Variants in PDF observed in about 807,000 individuals in gnomAD.
PDF encodes the protein peptide deformylase-like protein.
Under a neutral mutation model 20.3 loss-of-function variants are expected in PDF, and 31 were observed. The observed-to-expected ratio is 1.52, with a 90% CI of 1.15 to 2.06. The LOEUF is 2.06. Among genes scored for constraint, PDF ranks in the 30% most tolerant of loss-of-function variants. The probability of loss-of-function intolerance (pLI) is 0.00; values close to 1 mark genes in which losing one functional copy is unlikely to be tolerated. For missense variants in PDF, 447 were observed against 362.5 expected (o/e 1.23, Z -1.89); for synonymous variants, 254 against 172.0 (o/e 1.48, Z -3.73).
At chr16:69,329,301 T>A in intron 1 of PDF, 122 bp from the exon 2 acceptor site, 1 of 1,029,216 alleles carries the variant, frequency 9.7e-7, no homozygotes, top group South Asian at 1.9e-5. Context: ...AGATGGCAAA[T>A]GTAGACAGCA....
chr16:69,329,640 G>A (rs1965720965), intron 1 of PDF, among the ~76,000 whole-genome samples: 1 of 152,252 alleles, frequency 6.6e-6, no homozygotes, highest in South Asian at 2.1e-4. Context: ...GAATGGCCTA[G>A]CCCCCTGGGC....
chr16:69,329,734 CAG>C (rs1965725622), intron 1 of PDF, among the ~76,000 whole-genome samples: 2 of 152,330 alleles, frequency 1.3e-5, no homozygotes, highest in South Asian at 4.1e-4. Context: ...GTGTTTGCCT[CAG>C]AGAGCAAGGG....
In PDF at chr16:69,329,071, A is replaced by G; in HGVS notation, c.683T>C (p.Met228Thr). 1 of 1,611,958 alleles carries G rather than the reference A, an allele frequency of 6.2e-7. No homozygotes were observed. The highest frequency in any genetic ancestry group is 2.2e-5 in the East Asian group (1 of 44,782). The stretch of plus-strand genomic sequence containing the variant: ...GACGTTTGTGAACGTCCTGCTGTCC[A>G]TTTTGTCAATAAACAGGCAGCCCTG... ...HLQGCLFIDK[M>T]DSRTFTNVYW... The change falls in exon 2 of 2, where the codon ATG (methionine) becomes ACG (threonine). Residue 228 changes from methionine to threonine, a missense_variant. Physicochemically the swap from Met to Thr is moderately conservative, Grantham distance 81 (BLOSUM62 -1). Coordinates refer to ENST00000288022, the MANE Select transcript of PDF (RefSeq NM_022341.2).
chr16:69,328,953 A>G lies in PDF; in HGVS notation c.*69T>C. The G allele has an allele frequency of 6.4e-7, 1 of 1,555,428 alleles. No individual in the cohort carries two copies. Among genetic ancestry groups the G allele is most frequent in the Non-Finnish European group, 8.6e-7 (1 of 1,161,670 alleles). ...GCCATCCAAGTTGATGCCAAGTAAG[A>G]TTTGCCCAGCTCAAAGTGAAAGTGT... On this transcript the variant is annotated 3_prime_UTR_variant, in exon 2 of 2. Transcript: ENST00000288022.
Position 69,329,048 on chromosome 16 carries a change from C to T in PDF, c.706G>A (p.Val236Ile), listed in dbSNP as rs1357225937. The change falls in exon 2 of 2, where the codon GTC (valine) becomes ATC (isoleucine). Residue 236 changes from valine to isoleucine, a missense_variant. Physicochemically the swap from Val to Ile is conservative, Grantham distance 29 (BLOSUM62 3). Coordinates refer to ENST00000288022, the MANE Select transcript of PDF (RefSeq NM_022341.2). ...DKMDSRTFTNVYWMKVND is the reference protein window; with the variant it reads ...DKMDSRTFTNIYWMKVND ...TAGTCATTCACCTTCATCCAATAGA[C>T]GTTTGTGAACGTCCTGCTGTCCATT... 2 of 1,610,924 alleles carry T rather than the reference C, an allele frequency of 1.2e-6. No individual in the cohort carries two copies. Among genetic ancestry groups the T allele is most frequent in the East Asian group, 2.2e-5 (1 of 44,654 alleles).
At position 69,329,296 on chromosome 16, in the gene PDF, G is replaced by A. The variant is rs150241567; in HGVS notation, c.575-117C>T. Reference sequence around the variant, plus strand: ...CATTGACAAGAGGCAACAGCAGATGGCAAATGTAGACAGCAGCTCCTCTTC... The same window carrying A: ...CATTGACAAGAGGCAACAGCAGATGACAAATGTAGACAGCAGCTCCTCTTC... On this transcript the variant is annotated intron_variant, in intron 1 of 1. Coordinates refer to ENST00000288022, the MANE Select transcript of PDF (RefSeq NM_022341.2). 1.3e-4 allele frequency: 147 copies of A among 1,094,858 alleles called. 1 individual carries two copies. The East Asian group carries it at 2.6e-3, about 19-fold the overall frequency. The allele number at this position is 1,094,858 out of a possible 1,614,324, so 67.8% of individuals were successfully genotyped here.
chr16:69,329,249 T>TG (rs1446681710), intron 1 of PDF, 70 bp from the exon 2 acceptor site: 5 of 1,438,836 alleles, frequency 3.5e-6, no homozygotes, highest in African/African-American at 1.5e-5. Flanking sequence ...TCCCTACCCC[T>TG]GCCCCCGGTC....
chr16:69,329,824 G>A (rs1965728947), intron 1 of PDF, among the ~76,000 whole-genome samples, 173 bp downstream of exon 1: 1 of 152,226 alleles, frequency 6.6e-6, no homozygotes, highest in Non-Finnish European at 1.5e-5. Flanking sequence ...CTATCTGAGC[G>A]GGCTCTACCC....
chr16:69,329,129 C>CT lies in PDF; in HGVS notation c.624dup (p.Ala209SerfsTer18), dbSNP rs1257099113. 1.2e-6 allele frequency: 2 copies of CT among 1,608,998 alleles called. No individual in the cohort carries two copies. Among genetic ancestry groups the CT allele is most frequent in the African/African-American group, 1.3e-5 (1 of 74,930 alleles). Reference sequence around the variant, plus strand: ...TCCATCTCGTGCTGGATGATGCGGGCTGCCCACCCGCTCGCCTGCCACACC... The same window carrying CT: ...TCCATCTCGTGCTGGATGATGCGGGCTTGCCCACCCGCTCGCCTGCCACACC... On this transcript the variant is annotated frameshift_variant, in exon 2 of 2. Transcript: ENST00000288022. LOFTEE classifies it high-confidence loss of function.
In PDF at chr16:69,328,934, C is replaced by G. The variant is rs1567428074; in HGVS notation, c.*88G>C. 2.3e-5 allele frequency: 35 copies of G among 1,520,330 alleles called. No individual in the cohort carries two copies. The East Asian group carries it at 3.7e-4, about 16-fold the overall frequency. 94.2% of individuals were successfully genotyped at this position (1,520,330 alleles called of 1,614,324 possible). ...AGTTTCCTGTCATATGCGAGCCATC[C>G]AAGTTGATGCCAAGTAAGATTTGCC... is the stretch of plus-strand genomic sequence containing the variant. On this transcript the variant is annotated 3_prime_UTR_variant, in exon 2 of 2. Transcript: ENST00000288022.
rs1965611229 is a variant in PDF at position 69,326,995 on chromosome 16, T to C, written c.*2027A>G. 6.6e-6 allele frequency: 1 copy of C among 152,106 alleles called. No homozygotes were observed. Among genetic ancestry groups the C allele is most frequent in the Non-Finnish European group, 1.5e-5 (1 of 68,016 alleles). The allele number at this position is 152,106 out of a possible 1,614,324, so 9.4% of individuals were successfully genotyped here. ...GAAAGCTATAAGAAGCATCAAAAGA[T>C]TGCCATAGCCCCCTGTAAGAGCTTC... On this transcript the variant is annotated 3_prime_UTR_variant, in exon 2 of 2. Transcript: ENST00000288022.
In PDF at chr16:69,327,003, GC is replaced by G. The variant is rs1376251964; in HGVS notation, c.*2018del. 1 of 152,044 alleles carries G rather than the reference GC, an allele frequency of 6.6e-6. No homozygotes were observed. Among genetic ancestry groups the G allele is most frequent in the Non-Finnish European group, 1.5e-5 (1 of 68,004 alleles). The allele number at this position is 152,044 out of a possible 1,614,324, so 9.4% of individuals were successfully genotyped here. On this transcript the variant is annotated 3_prime_UTR_variant, in exon 2 of 2. Coordinates refer to ENST00000288022, the MANE Select transcript of PDF (RefSeq NM_022341.2). ...TAAGAAGCATCAAAAGATTGCCATAGCCCCCTGTAAGAGCTTCTGAACATTG... is the reference window on the plus strand; with the variant it reads ...TAAGAAGCATCAAAAGATTGCCATAGCCCCTGTAAGAGCTTCTGAACATTG...
At chr16:69,329,929 G>A (rs1439078070) in intron 1 of PDF, 68 bp downstream of exon 1, 7 of 1,446,982 alleles carry the variant, frequency 4.8e-6, no homozygotes, top group African/African-American at 1.5e-5. Flanking sequence ...CCACTTCTGC[G>A]CTCTCGCGGA....
rs1010375287 is a variant in PDF at position 69,328,654 on chromosome 16, A to G, written c.*368T>C. On this transcript the variant is annotated 3_prime_UTR_variant, in exon 2 of 2. Coordinates refer to ENST00000288022, the MANE Select transcript of PDF (RefSeq NM_022341.2). ...CATGCTTACCTGCATTTTTAAAGAC[A>G]GCTTTCAGGTATTTGGGGACTACAT... 2 of 209,578 alleles carry G rather than the reference A, an allele frequency of 9.5e-6. No individual in the cohort carries two copies. Among genetic ancestry groups the G allele is most frequent in the Non-Finnish European group, 1.9e-5 (2 of 105,404 alleles). 13.0% of individuals were successfully genotyped at this position (209,578 alleles called of 1,614,324 possible).
In PDF at chr16:69,327,865, AAAG is replaced by A. The variant is rs376174644; in HGVS notation, c.*1154_*1156del. On this transcript the variant is annotated 3_prime_UTR_variant, in exon 2 of 2. Transcript: ENST00000288022. ...CCGTCTCTATCTTAAAAAAAAAATA[AAAG>A]AATAAAACAAGTTCCTTCACCTCTT... The A allele has an allele frequency of 4.0e-5, 6 of 148,926 alleles. No homozygotes were observed. The East Asian group carries it at 1.2e-3, about 29-fold the overall frequency. The allele number at this position is 148,926 out of a possible 1,614,324, so 9.2% of individuals were successfully genotyped here.
Position 69,330,056 on chromosome 16 carries a change from C to T in PDF, c.515G>A (p.Cys172Tyr). 1 of 1,555,000 alleles carries T rather than the reference C, an allele frequency of 6.4e-7. No homozygotes were observed. The highest frequency in any genetic ancestry group is 8.7e-7 in the Non-Finnish European group (1 of 1,151,468). ...DSRLVTFPEG[C>Y]ESVAGFLACV... Reference sequence around the variant, plus strand: ...GGCCAGGAAGCCGGCGACGCTCTCGCAGCCCTCGGGAAAGGTGACCAGGCG... The same window carrying T: ...GGCCAGGAAGCCGGCGACGCTCTCGTAGCCCTCGGGAAAGGTGACCAGGCG... Residue 172 changes from cysteine (C) to tyrosine (Y), a missense_variant, in exon 1 of 2, where the codon TGC becomes TAC. By Grantham distance (194) the Cys-to-Tyr change is radical (BLOSUM62 -2). Transcript: ENST00000288022.
In PDF at chr16:69,328,833, T is replaced by G; in HGVS notation, c.*189A>C. ...TTTTCTCCTCAAGTTGTAGCCAACA[T>G]TTTGTCCGTAACTGATTTCAGGGCA... is the stretch of plus-strand genomic sequence containing the variant. On this transcript the variant is annotated 3_prime_UTR_variant, in exon 2 of 2. Coordinates refer to ENST00000288022, the MANE Select transcript of PDF (RefSeq NM_022341.2). 1.4e-6 allele frequency: 1 copy of G among 731,070 alleles called. No homozygotes were observed. The highest frequency in any genetic ancestry group is 2.2e-6 in the Non-Finnish European group (1 of 464,502). 45.3% of individuals were successfully genotyped at this position (731,070 alleles called of 1,614,324 possible). A position where few individuals can be genotyped will look rare whatever the true frequency, so the allele number is the denominator to read the frequency against.
rs747715409 is a variant in PDF at position 69,330,072 on chromosome 16, T to G, written c.499A>C (p.Thr167Pro). The G allele has an allele frequency of 1.3e-6, 2 of 1,563,576 alleles. No homozygotes were observed. Among genetic ancestry groups the G allele is most frequent in the South Asian group, 2.3e-5 (2 of 85,226 alleles). ...ACGCTCTCGCAGCCCTCGGGAAAGG[T>G]GACCAGGCGGCTGTCAAGCACTCGC... ...SLRVLDSRLV[T>P]FPEGCESVAG... The change falls in exon 1 of 2, where the codon ACC becomes CCC. Residue 167 changes from threonine (T) to proline (P), a missense_variant. Coordinates refer to ENST00000288022, the MANE Select transcript of PDF (RefSeq NM_022341.2).
rs963512346 is a variant in PDF at position 69,330,031 on chromosome 16, G to A, written c.540C>T (p.Ala180=). Residue 180 remains alanine (A), a synonymous_variant, in exon 1 of 2, where the codon GCC becomes GCT. Transcript: ENST00000288022. ...GCACCGCCTGGAAGCGGGGCACGCAGGCCAGGAAGCCGGCGACGCTCTCGC... is the reference window on the plus strand; with the variant it reads ...GCACCGCCTGGAAGCGGGGCACGCAAGCCAGGAAGCCGGCGACGCTCTCGC... ...EGCESVAGFL[A]CVPRFQAVQI... is the part of the protein sequence containing the mutation. 60 of 1,545,188 alleles carry A rather than the reference G, an allele frequency of 3.9e-5. No individual in the cohort carries two copies. The highest frequency in any genetic ancestry group is 5.9e-5 in the Admixed American group (3 of 50,966).
Sources: gnomAD v4.1 joint callset for allele counts (sites outside exome capture counted in the v4.1 genomes callset) on GRCh38, gnomAD v4.1.1 for gene constraint, MANE v1.5 for transcripts, NCBI Gene and HGNC (gene_info 2026-07-23, HGNC 2026-07-21) for gene names.